The following FGFR1 variants were observed in gnomAD, a reference collection of about 807,000 sequenced individuals.
The protein encoded by FGFR1 is fibroblast growth factor receptor 1, also known as FGFR1/PLAG1 fusion.
FGFR1 carries 18 observed loss-of-function variants against 93.7 expected under a neutral mutation model. That is an observed-to-expected ratio of 0.19 (90% CI 0.13 to 0.28). The LOEUF (loss-of-function observed/expected upper bound fraction) is 0.28, where lower values mean the gene tolerates loss of function less well. Ranked by LOEUF, FGFR1 falls within the 10% of genes least tolerant of loss-of-function variation. The pLI is 1.00. For synonymous variants in FGFR1, 448 were observed against 429.3 expected (o/e 1.04, Z -0.54); for missense variants, 731 against 1,080.4 (o/e 0.68, Z 4.53).
intron 2 of FGFR1, among the ~76,000 whole-genome samples, chr8:38,432,910 C>CG (rs1332374495): frequency 7.9e-6 from 1 of 127,130 alleles, no homozygotes; most frequent in Non-Finnish European, 1.7e-5. Context: ...CCCACCGCGC[C>CG]CCCCCCCCTC....
intron 1 of FGFR1, among the ~76,000 whole-genome samples, chr8:38,457,854 G>A (rs1220628735): frequency 3.9e-5 from 6 of 152,110 alleles, no homozygotes; most frequent in South Asian, 4.1e-4. Context: ...GTGGTGGCGC[G>A]CACCTGTAGT....
At chr8:38,434,243 T>C (rs1282571197) in intron 2 of FGFR1, 1 of 161,576 alleles carries the variant, frequency 6.2e-6, no homozygotes, top group African/African-American at 2.4e-5. Flanking sequence ...CTTGAACTCC[T>C]GGACTCAAGC....
At chr8:38,431,456 A>G (rs1823099295) in intron 2 of FGFR1, among the ~76,000 whole-genome samples, 2 of 152,184 alleles carry the variant, frequency 1.3e-5, no homozygotes, top group Admixed American at 6.5e-5. Flanking sequence ...TGCTTGCTCA[A>G]TAAATACCAC....
At chr8:38,436,252 G>C (rs1432646431) in intron 2 of FGFR1, among the ~76,000 whole-genome samples, 3 of 152,058 alleles carry the variant, frequency 2.0e-5, no homozygotes, top group Non-Finnish European at 4.4e-5. Context: ...GTGCATGCCT[G>C]TAGTCCCCAG....
At chr8:38,418,677 A>C in intron 9 of FGFR1, 1 of 445,228 alleles carries the variant, frequency 2.2e-6, no homozygotes, top group Admixed American at 3.6e-5. Context: ...TGTTCTCCTG[A>C]CTCTTTGCAA....
rs2150822399 is a variant in FGFR1 at position 38,424,634 on chromosome 8, T to C, written c.811A>G (p.Ser271Gly). 6.2e-7 allele frequency: 1 copy of C among 1,613,590 alleles called. No individual in the cohort carries two copies. ...ACCTTACACATGAACTCCACGTTGC[T>C]ACCCAGGGCCACTGTTTTGTTGGCG... is the stretch of plus-strand genomic sequence containing the variant. ...LPANKTVALG[S>G]NVEFMCKVYS... Residue 271 changes from serine to glycine, a missense_variant, in exon 7 of 18, where the codon AGC (serine) becomes GGC (glycine). Transcript: ENST00000447712. This position sits in a 1 kb window ranked among gnomAD's most constrained non-coding sequence, Gnocchi z 4.3.
chr8:38,426,021 A>G lies in FGFR1; in HGVS notation c.745+101T>C. The G allele has an allele frequency of 6.5e-7, 1 of 1,536,332 alleles. No homozygotes were observed. Among genetic ancestry groups the G allele is most frequent in the Non-Finnish European group, 9.0e-7 (1 of 1,114,726 alleles). On this transcript the variant is annotated intron_variant, in intron 6 of 17. Transcript: ENST00000447712. The surrounding 1 kb of genome is among the most constrained non-coding windows in gnomAD (Gnocchi z 4.1). ...ACAAAGCCAAGAAGTGCCAATCGCT[A>G]TCCTGACTCTGCCCCTAAGAAACCT...
chr8:38,451,916 G>A (rs73674169), intron 2 of FGFR1, among the ~76,000 whole-genome samples: 1 of 151,880 alleles, frequency 6.6e-6, no homozygotes, highest in Non-Finnish European at 1.5e-5. Flanking sequence ...AGAATGTTGG[G>A]GCTTATCATC....
intron 2 of FGFR1, among the ~76,000 whole-genome samples, chr8:38,431,491 C>T (rs1476557849): frequency 1.3e-5 from 2 of 152,246 alleles, no homozygotes; most frequent in Admixed American, 6.5e-5. Flanking sequence ...TGGCTCTTCA[C>T]TGCCTTCCTT....
intron 1 of FGFR1, chr8:38,465,983 T>G: frequency 4.4e-6 from 1 of 229,490 alleles, no homozygotes; most frequent in Non-Finnish European, 8.7e-6. Context: ...GTTTTCAATT[T>G]GAAAGAGGCT....
intron 2 of FGFR1, among the ~76,000 whole-genome samples, chr8:38,447,197 G>T (rs1290232334): frequency 6.6e-6 from 1 of 151,708 alleles, no homozygotes; most frequent in Non-Finnish European, 1.5e-5. Flanking sequence ...AGACAAAGGG[G>T]ACTGAGCCAG....
intron 16 of FGFR1, 38 bp downstream of exon 16, chr8:38,414,114 G>C (rs2150528357): frequency 6.2e-7 from 1 of 1,614,156 alleles, no homozygotes; most frequent in Non-Finnish European, 8.5e-7. Flanking sequence ...CTTGCCCCAA[G>C]GCCTGGCTCA....
chr8:38,440,236 G>A, intron 2 of FGFR1: 4 of 1,366,704 alleles, frequency 2.9e-6, no homozygotes, highest in Non-Finnish European at 4.1e-6. Flanking sequence ...AGCGCAGCGG[G>A]GCTCCGGGGG....
intron 2 of FGFR1, among the ~76,000 whole-genome samples, chr8:38,433,967 G>C (rs750733350): frequency 6.6e-6 from 1 of 152,074 alleles, no homozygotes; most frequent in Admixed American, 6.6e-5. Flanking sequence ...TCTGCTTTCT[G>C]TCTATGGATT....
rs376835961 is a variant in FGFR1 at position 38,466,851 on chromosome 8, T to C, written c.-89+1130A>G. ...ACCGTGGTAATGTTTTTCAAAAGGGTTGATAGCTTCTGGGCTCAGAACAAG... is the reference window on the plus strand; with the variant it reads ...ACCGTGGTAATGTTTTTCAAAAGGGCTGATAGCTTCTGGGCTCAGAACAAG... On this transcript the variant is annotated intron_variant, in intron 1 of 17. Coordinates refer to ENST00000447712, the MANE Select transcript of FGFR1 (RefSeq NM_023110.3). Among the ~76,000 whole-genome samples, 209 of 148,984 alleles carry C rather than the reference T, an allele frequency of 1.4e-3. 2 individuals are homozygous for C. Among genetic ancestry groups the C allele is most frequent in the African/African-American group, 5.0e-3 (198 of 39,762 alleles).
chr8:38,428,608 C>T (rs1003758210), intron 3 of FGFR1, 173 bp from the exon 4 acceptor site: 15 of 635,108 alleles, frequency 2.4e-5, no homozygotes, highest in Admixed American at 7.1e-5. Context: ...AGTTCCTGTG[C>T]GTGTTTGCTT....
chr8:38,424,443 T>G lies in FGFR1; in HGVS notation c.936+66A>C. The G allele has an allele frequency of 1.3e-6, 2 of 1,587,818 alleles. No individual in the cohort carries two copies. The highest frequency in any genetic ancestry group is 1.7e-6 in the Non-Finnish European group (2 of 1,156,362). ...GGCAACTGAGCCTGCCCACAGGAACTTGAGCCCCCGAGACAGTGGTCTCCT... is the reference window on the plus strand; with the variant it reads ...GGCAACTGAGCCTGCCCACAGGAACGTGAGCCCCCGAGACAGTGGTCTCCT... On this transcript the variant is annotated intron_variant, in intron 7 of 17. Transcript: ENST00000447712. This position sits in a 1 kb window ranked among gnomAD's most constrained non-coding sequence, Gnocchi z 4.3.
intron 14 of FGFR1, 30 bp downstream of exon 14, chr8:38,414,749 C>G (rs779120005): frequency 6.2e-7 from 1 of 1,613,966 alleles, no homozygotes; most frequent in South Asian, 1.1e-5. Flanking sequence ...GATGAAACCA[C>G]CAGCACAGGG....
At chr8:38,440,575 C>CTT (rs557897454) in intron 2 of FGFR1, among the ~76,000 whole-genome samples, 16 of 137,964 alleles carry the variant, frequency 1.2e-4, no homozygotes, top group African/African-American at 4.3e-4. Flanking sequence ...TGGAGAAGGG[C>CTT]TTTTTTTTTT....
Sources: allele counts gnomAD v4.1 joint callset (sites outside exome capture counted in the v4.1 genomes callset), GRCh38; gene constraint gnomAD v4.1.1; non-coding constraint Gnocchi (gnomAD v3.1); transcripts MANE v1.5; gene names NCBI Gene and HGNC (gene_info 2026-07-23, HGNC 2026-07-21).